MAF: variants seen among roughly 807,000 people sequenced by gnomAD.
MAF encodes the protein transcription factor Maf.
In MAF, 10 loss-of-function variants were observed where a neutral mutation model predicts 22.0. That is an observed-to-expected ratio of 0.45 (90% CI 0.28 to 0.77). The LOEUF (loss-of-function observed/expected upper bound fraction) is 0.77. Among genes scored for constraint, MAF ranks in the 30% least tolerant of loss-of-function variants. MAF has a pLI of 0.12. For missense variants in MAF, 544 were observed against 548.4 expected (o/e 0.99, Z 0.08); for synonymous variants, 337 against 255.8 (o/e 1.32, Z -3.03).
chr16:79,487,584 G>A, the MAF span, among the ~76,000 whole-genome samples: 4 of 152,080 alleles, frequency 2.6e-5, no homozygotes, highest in Non-Finnish European at 2.9e-5. Context: ...AAAAAGCCCC[G>A]TTGTCCGTTT....
chr16:79,272,377 G>A, the MAF span, among the ~76,000 whole-genome samples: 2 of 152,234 alleles, frequency 1.3e-5, no homozygotes, highest in Non-Finnish European at 2.9e-5. Flanking sequence ...AGAGTAACAG[G>A]CTCAGGCTGG....
At chr16:79,593,286 T>C (rs1463612321), downstream of MAF, among the ~76,000 whole-genome samples, 2 of 152,178 alleles carry the variant, frequency 1.3e-5, no homozygotes, top group African/African-American at 4.8e-5. Context: ...TGGGAACCTT[T>C]GAACGTGTCA....
chr16:79,575,604 A>G, the MAF span, among the ~76,000 whole-genome samples: 1 of 152,170 alleles, frequency 6.6e-6, no homozygotes. Flanking sequence ...TGATGGTGGG[A>G]ATAATTTGTA....
At chr16:79,502,749 A>ATATT in the MAF span, among the ~76,000 whole-genome samples, 3 of 120,562 alleles carry the variant, frequency 2.5e-5, no homozygotes, top group Non-Finnish European at 5.0e-5. Context: ...ATATATATAT[A>ATATT]TATATAAAGA....
chr16:79,333,633 C>A, the MAF span, among the ~76,000 whole-genome samples: 1 of 152,096 alleles, frequency 6.6e-6, no homozygotes, highest in African/African-American at 2.4e-5. Context: ...AATCTTTATG[C>A]GTAATGATGA....
At chr16:79,423,278 G>C in the MAF span, among the ~76,000 whole-genome samples, 2 of 152,128 alleles carry the variant, frequency 1.3e-5, no homozygotes, top group Non-Finnish European at 2.9e-5. Flanking sequence ...CTGTTCTAGG[G>C]AGAGGGCTCA....
chr16:79,598,752 G>C, intron 1 of MAF, 33 bp downstream of exon 1: 1 of 1,613,546 alleles, frequency 6.2e-7, no homozygotes, highest in Non-Finnish European at 8.5e-7. Context: ...GCACTTATCA[G>C]GGTGGCTAGC....
At chr16:79,562,907 C>A in the MAF span, among the ~76,000 whole-genome samples, 1 of 152,256 alleles carries the variant, frequency 6.6e-6, no homozygotes. Flanking sequence ...CCTTCTTTTT[C>A]AGATCCAAAT....
At chr16:79,388,992 A>T in the MAF span, among the ~76,000 whole-genome samples, 1 of 152,206 alleles carries the variant, frequency 6.6e-6, no homozygotes, top group East Asian at 1.9e-4. Flanking sequence ...GGCCCTTATG[A>T]TGTGTTTCCA....
chr16:79,270,896 C>G, the MAF span, among the ~76,000 whole-genome samples: 1 of 70,440 alleles, frequency 1.4e-5, no homozygotes, highest in African/African-American at 4.7e-5. Context: ...AAGACATGGC[C>G]AGAGTTTTTT....
the MAF span, among the ~76,000 whole-genome samples, chr16:79,479,095 C>T: frequency 3.6e-4 from 52 of 144,684 alleles, no homozygotes; most frequent in African/African-American, 1.1e-3. Context: ...CTAGTGCACC[C>T]GTGCACCACC....
chr16:79,410,942 C>A, the MAF span, among the ~76,000 whole-genome samples: 2 of 152,134 alleles, frequency 1.3e-5, no homozygotes, highest in African/African-American at 4.8e-5. Context: ...GGAGGGGGGA[C>A]CTGACCTGAA....
chr16:79,555,796 G>T, the MAF span, among the ~76,000 whole-genome samples: 1 of 152,154 alleles, frequency 6.6e-6, no homozygotes, highest in Non-Finnish European at 1.5e-5. Context: ...TAAGGGATAT[G>T]AACCCATTAA....
At chr16:79,268,226 C>G in the MAF span, among the ~76,000 whole-genome samples, 3 of 152,118 alleles carry the variant, frequency 2.0e-5, no homozygotes, top group Non-Finnish European at 4.4e-5. Flanking sequence ...CTCTCCCCCA[C>G]AAACACCGGA....
At chr16:79,430,434 G>C in the MAF span, among the ~76,000 whole-genome samples, 7 of 152,282 alleles carry the variant, frequency 4.6e-5, no homozygotes, top group Admixed American at 4.6e-4. Flanking sequence ...TTCTCCAAAA[G>C]ACACACTCCC....
chr16:79,291,626 G>A, the MAF span, among the ~76,000 whole-genome samples: 1 of 151,408 alleles, frequency 6.6e-6, no homozygotes, highest in African/African-American at 2.4e-5. Context: ...CCTATGCAGG[G>A]AGAAACACAG....
chr16:79,329,386 A>C, the MAF span, among the ~76,000 whole-genome samples: 4 of 152,208 alleles, frequency 2.6e-5, no homozygotes, highest in African/African-American at 9.6e-5. Context: ...ATATAGGAAG[A>C]AAGTGCCACG....
At position 79,594,725 on chromosome 16, in the gene MAF, T is replaced by G. The variant is rs527425183; in HGVS notation, c.1119-172A>C. ...AGTTCTTTGTAAGAAAAAAAAAACA[T>G]GTATTTGTTTGCTACTCCCACTATA... On this transcript the variant is annotated intron_variant, in intron 1 of 1. Coordinates refer to ENST00000326043, the MANE Select transcript of MAF (RefSeq NM_005360.5). 2.0e-3 allele frequency: 2,801 copies of G among 1,400,504 alleles called. 8 individuals carry two copies. Among genetic ancestry groups the G allele is most frequent in the Non-Finnish European group, 2.5e-3 (2,675 of 1,078,252 alleles). The allele number at this position is 1,400,504 out of a possible 1,614,324, so 86.8% of individuals were successfully genotyped here.
At chr16:79,470,961 T>C in the MAF span, among the ~76,000 whole-genome samples, 1 of 152,228 alleles carries the variant, frequency 6.6e-6, no homozygotes, top group Non-Finnish European at 1.5e-5. Flanking sequence ...TCTTATATAA[T>C]GCATGGAAGA....
Sources: gnomAD v4.1 joint callset for allele counts (sites outside exome capture counted in the v4.1 genomes callset) on GRCh38, gnomAD v4.1.1 for gene constraint, MANE v1.5 for transcripts, NCBI Gene and HGNC (gene_info 2026-07-23, HGNC 2026-07-21) for gene names.